Variants in PTPRO observed in about 807,000 individuals in gnomAD.
PTPRO encodes protein tyrosine phosphatase receptor type O.
In PTPRO, 62 loss-of-function variants were observed where a neutral mutation model predicts 145.2. The observed-to-expected ratio is 0.43, with a 90% CI of 0.35 to 0.53. The LOEUF (loss-of-function observed/expected upper bound fraction) is 0.53. PTPRO is among the 20% of genes least tolerant of loss of function. The pLI is 0.01. For missense variants in PTPRO, 1,345 were observed against 1,482.7 expected (o/e 0.91, Z 1.53); for synonymous variants, 565 against 514.7 (o/e 1.10, Z -1.32).
chr12:15,363,641 G>A (rs61908000), intron 1 of PTPRO, among the ~76,000 whole-genome samples: 2 of 148,670 alleles, frequency 1.3e-5, no homozygotes, highest in African/African-American at 2.5e-5. Flanking sequence ...CTAAATATGA[G>A]TTGGTGGTTT....
At chr12:15,537,765 T>C (rs891064316) in intron 12 of PTPRO, among the ~76,000 whole-genome samples, 1 of 152,238 alleles carries the variant, frequency 6.6e-6, no homozygotes, top group East Asian at 1.9e-4. Context: ...TGATGCAGCA[T>C]AGTTAGAGGT....
intron 1 of PTPRO, among the ~76,000 whole-genome samples, chr12:15,361,438 CAAAAAAAAAA>C (rs71042244): frequency 1.4e-5 from 1 of 71,302 alleles, no homozygotes; most frequent in Non-Finnish European, 2.7e-5. Flanking sequence ...GACTCAGTCT[CAAAAAAAAAA>C]AAAAAAAAAA....
At chr12:15,439,829 A>G in intron 1 of PTPRO, 1 of 615,288 alleles carries the variant, frequency 1.6e-6, no homozygotes, top group Non-Finnish European at 3.0e-6. Context: ...GGCCTCTCTC[A>G]AGAACAAGGA....
intron 1 of PTPRO, 124 bp from the exon 2 acceptor site, chr12:15,483,850 G>C (rs1435817528): frequency 3.9e-6 from 4 of 1,023,110 alleles, no homozygotes; most frequent in Non-Finnish European, 5.8e-6. Flanking sequence ...AAGAAATAAG[G>C]CTTACCATAA....
At chr12:15,462,777 G>A (rs938436318) in intron 1 of PTPRO, among the ~76,000 whole-genome samples, 1 of 152,066 alleles carries the variant, frequency 6.6e-6, no homozygotes, top group Non-Finnish European at 1.5e-5. Flanking sequence ...ATGTATGCTA[G>A]CTATTACAAT....
At chr12:15,524,662 C>G in intron 10 of PTPRO, 152 bp from the exon 11 acceptor site, 1 of 779,130 alleles carries the variant, frequency 1.3e-6, no homozygotes. Flanking sequence ...CCATCCTTCA[C>G]TGTTATTGAG....
At chr12:15,497,152 TG>T in intron 2 of PTPRO, 92 bp from the exon 3 acceptor site, 1 of 1,170,416 alleles carries the variant, frequency 8.5e-7, no homozygotes, top group Non-Finnish European at 1.3e-6. Flanking sequence ...CGTGAATTTC[TG>T]GTAGGTGTAA....
chr12:15,368,141 A>G (rs1381866393), intron 1 of PTPRO, among the ~76,000 whole-genome samples: 3 of 152,162 alleles, frequency 2.0e-5, no homozygotes, highest in Non-Finnish European at 4.4e-5. Flanking sequence ...TCTCCTACTT[A>G]ACACCTGGTT....
intron 4 of PTPRO, among the ~76,000 whole-genome samples, chr12:15,501,304 G>A (rs1216906795): frequency 6.6e-6 from 1 of 151,894 alleles, no homozygotes; most frequent in African/African-American, 2.4e-5. Context: ...GTGGAATTAC[G>A]ATAAACTGAA....
chr12:15,353,010 T>A (rs1424336700), intron 1 of PTPRO, among the ~76,000 whole-genome samples: 1 of 152,216 alleles, frequency 6.6e-6, no homozygotes, highest in Non-Finnish European at 1.5e-5. Context: ...GCCTGAGGAA[T>A]TTAATTTAAT....
At chr12:15,577,704 T>C (rs1944216857) in intron 19 of PTPRO, among the ~76,000 whole-genome samples, 2 of 152,210 alleles carry the variant, frequency 1.3e-5, no homozygotes, top group African/African-American at 4.8e-5. Flanking sequence ...ACTATGTGGG[T>C]AATCCCACTT....
rs532129772 is a variant in PTPRO at position 15,528,810 on chromosome 12, G to A, written c.2164+2548G>A. On this transcript the variant is annotated intron_variant, in intron 12 of 26. Coordinates refer to ENST00000281171, the MANE Select transcript of PTPRO (RefSeq NM_030667.3). ...AAAGGAGCAAATAACAGGTAAACAAGCTGCAATTCACCTGGCAACAAACTG... is the reference window on the plus strand; with the variant it reads ...AAAGGAGCAAATAACAGGTAAACAAACTGCAATTCACCTGGCAACAAACTG... 3.3e-5 allele frequency among the ~76,000 whole-genome samples: 5 copies of A among 152,176 alleles called. 1 individual carries two copies. The South Asian group carries it at 1.0e-3, about 32-fold the overall frequency.
intron 1 of PTPRO, among the ~76,000 whole-genome samples, chr12:15,442,096 G>T (rs1599365): frequency 6.6e-6 from 1 of 151,964 alleles, no homozygotes; most frequent in African/African-American, 2.4e-5. Context: ...ATGCAAAAAT[G>T]TTCAACAAAA....
intron 1 of PTPRO, among the ~76,000 whole-genome samples, chr12:15,371,267 C>T (rs950447831): frequency 1.3e-5 from 2 of 150,444 alleles, no homozygotes; most frequent in Admixed American, 6.6e-5. Flanking sequence ...GAGTCTCGCT[C>T]TGTCGCCCAG....
At chr12:15,397,114 T>C (rs1003524347) in intron 1 of PTPRO, among the ~76,000 whole-genome samples, 2 of 152,176 alleles carry the variant, frequency 1.3e-5, no homozygotes, top group Admixed American at 6.5e-5. Context: ...AATCATATAA[T>C]ATTTTAGCCA....
intron 1 of PTPRO, among the ~76,000 whole-genome samples, chr12:15,362,717 C>A (rs1938247187): frequency 6.6e-6 from 1 of 152,016 alleles, no homozygotes; most frequent in African/African-American, 2.4e-5. Flanking sequence ...AAGATCTAAT[C>A]TCCAAGTGGC....
rs1942503683 is a variant in PTPRO, at chr12:15,513,224, A to AG, written c.1465-2273dup. Among the ~76,000 whole-genome samples, 10 of 132,378 alleles carry AG rather than the reference A, an allele frequency of 7.6e-5. 1 individual carries two copies. Among genetic ancestry groups the AG allele is most frequent in the African/African-American group, 2.8e-4 (10 of 36,054 alleles). 86.8% of individuals were successfully genotyped at this position (132,378 alleles called of 152,430 possible). ...AAGAAAGAAAGAAAGAAAGAAAGAA[A>AG]GAAAAGAAAGAAAGAGGGAGGGAGG... On this transcript the variant is annotated intron_variant, in intron 7 of 26. Coordinates refer to ENST00000281171, the MANE Select transcript of PTPRO (RefSeq NM_030667.3).
At chr12:15,395,101 G>C (rs1939299238) in intron 1 of PTPRO, among the ~76,000 whole-genome samples, 1 of 152,170 alleles carries the variant, frequency 6.6e-6, no homozygotes, top group Non-Finnish European at 1.5e-5. Context: ...TCACCAATGT[G>C]AAATACCACT....
intron 1 of PTPRO, among the ~76,000 whole-genome samples, chr12:15,350,199 T>C (rs1472780722): frequency 6.6e-6 from 1 of 152,202 alleles, no homozygotes; most frequent in Non-Finnish European, 1.5e-5. Context: ...AACTTTCATC[T>C]GAGACTCCCT....
Sources: allele counts gnomAD v4.1 joint callset (sites outside exome capture counted in the v4.1 genomes callset), GRCh38; gene constraint gnomAD v4.1.1; transcripts MANE v1.5; gene names NCBI Gene and HGNC (gene_info 2026-07-23, HGNC 2026-07-21).